ATAT1: variants seen among roughly 807,000 people sequenced by gnomAD.
The protein encoded by ATAT1 is alpha-tubulin N-acetyltransferase 1.
In ATAT1, 42 loss-of-function variants were observed where a neutral mutation model predicts 57.2. That is an observed-to-expected ratio of 0.73 (90% CI 0.57 to 0.95). The LOEUF is 0.95. Ranked by LOEUF, ATAT1 falls within the 40% of genes least tolerant of loss-of-function variation. The probability of loss-of-function intolerance (pLI) is 0.00; values close to 1 mark genes in which losing one functional copy is unlikely to be tolerated. For missense variants in ATAT1, 454 were observed against 523.7 expected, an observed-to-expected ratio of 0.87 and a Z score of 1.30; for synonymous variants, 168 against 187.1, an observed-to-expected ratio of 0.90 and a Z score of 0.83.
chr6:30,643,455 TTC>T (rs775111547), intron 10 of ATAT1: 58 of 1,545,836 alleles, frequency 3.8e-5, no homozygotes, highest in Non-Finnish European at 4.5e-5. Flanking sequence ...CACCTCTGAC[TTC>T]TCTGTTTTTC....
In ATAT1 at chr6:30,642,849, G is replaced by A. The variant is rs750360395; in HGVS notation, c.770G>A (p.Arg257His). The A allele has an allele frequency of 9.4e-5, 25 of 265,576 alleles. No homozygotes were observed. The highest frequency in any genetic ancestry group is 1.1e-4 in the East Asian group (1 of 9,416). The allele number at this position is 265,576 out of a possible 1,614,324, so 16.5% of individuals were successfully genotyped here. The change falls in exon 10 of 13, where the codon CGC (arginine) becomes CAC (histidine). Residue 257 changes from arginine to histidine, a missense_variant. Transcript: ENST00000330083. ...ACACCTCCAGCCCACCCACCCCCCC[G>A]CTCCAGCAGCCTGGGAAACTCACCA...
intron 8 of ATAT1, 87 bp from the exon 9 acceptor site, chr6:30,642,089 G>A (rs1172759639): frequency 1.2e-6 from 2 of 1,601,696 alleles, no homozygotes; most frequent in Admixed American, 1.7e-5. Context: ...GGGAGCAGAG[G>A]TTTGGGGTTG....
chr6:30,645,081 ATC>A (rs746373350), intron 10 of ATAT1, among the ~76,000 whole-genome samples: 1 of 152,124 alleles, frequency 6.6e-6, no homozygotes, highest in East Asian at 1.9e-4. Flanking sequence ...AAACCGCTGG[ATC>A]TCTCTCAAGA....
chr6:30,642,833 G>GGGGCGGCCCCCCCCCCCCCC lies in ATAT1; in HGVS notation c.754_755insGGGCGGCCCCCCCCCCCCCC (p.Ala252GlyfsTer74). The GGGGCGGCCCCCCCCCCCCCC allele has an allele frequency of 6.5e-7, 1 of 1,537,878 alleles. No homozygotes were observed. On this transcript the variant is annotated frameshift_variant, in exon 10 of 13. Coordinates refer to ENST00000330083, the MANE Select transcript of ATAT1 (RefSeq NM_001031722.4). LOFTEE classifies it high-confidence loss of function. ...GGCCCCTCGCCGCGCCACACCTCCAGCCCACCCACCCCCCCGCTCCAGCAG... is the reference window on the plus strand; with the variant it reads ...GGCCCCTCGCCGCGCCACACCTCCAGGGGCGGCCCCCCCCCCCCCCCCCACCCACCCCCCCGCTCCAGCAG...
intron 6 of ATAT1, among the ~76,000 whole-genome samples, chr6:30,638,400 C>T (rs1451163313): frequency 6.6e-6 from 1 of 151,924 alleles, no homozygotes; most frequent in Non-Finnish European, 1.5e-5. Context: ...TCAATGGATT[C>T]TCCTGCCTCA....
At chr6:30,643,111 G>A in intron 10 of ATAT1, 100 bp downstream of exon 10, 4 of 1,515,368 alleles carry the variant, frequency 2.6e-6, no homozygotes, top group Non-Finnish European at 3.5e-6. Flanking sequence ...GGATCAATAA[G>A]ATGGGTGGCT....
At chr6:30,629,840 G>A (rs988143675) in intron 6 of ATAT1, among the ~76,000 whole-genome samples, 12 of 152,100 alleles carry the variant, frequency 7.9e-5, no homozygotes, top group Admixed American at 6.5e-4. Context: ...CACCGTGCCC[G>A]ACCCCTTATG....
Position 30,646,542 on chromosome 6 carries a change from G to T in ATAT1, c.1129G>T (p.Ala377Ser), listed in dbSNP as rs768155190. Reference sequence around the variant, plus strand: ...GCCCATGCACACAGCTCCTCCACAGGCCCCGGCCCCGCCAGCCCAGTCCTG... The same window carrying T: ...GCCCATGCACACAGCTCCTCCACAGTCCCCGGCCCCGCCAGCCCAGTCCTG... Residue 377 changes from alanine (A) to serine (S), a missense_variant, in exon 13 of 13, where the codon GCC (alanine) becomes TCC (serine). By Grantham distance (99) the Ala-to-Ser change is moderately conservative. This residue lies in a region of ATAT1 where 216 missense variants were observed against 222.2 expected (regional missense o/e 0.97). Transcript: ENST00000330083. 2.7e-5 allele frequency: 43 copies of T among 1,585,548 alleles called. No homozygotes were observed. Among genetic ancestry groups the T allele is most frequent in the Non-Finnish European group, 3.3e-5 (39 of 1,166,278 alleles).
chr6:30,631,932 T>G, intron 6 of ATAT1, among the ~76,000 whole-genome samples: 1 of 150,492 alleles, frequency 6.6e-6, no homozygotes, highest in Non-Finnish European at 1.5e-5. Flanking sequence ...AGCGGAGGAG[T>G]ATGGTAGGAG....
chr6:30,629,247 T>TC lies in ATAT1; in HGVS notation c.501+817_501+818insC, dbSNP rs568547227. On this transcript the variant is annotated intron_variant, in intron 6 of 12. Coordinates refer to ENST00000330083, the MANE Select transcript of ATAT1 (RefSeq NM_001031722.4). Reference sequence around the variant, plus strand: ...TTGTTTCCTACACCTAATTTTTCTTTTTTTTTTTTTTTGTGAGATGTAGCC... The same window carrying TC: ...TTGTTTCCTACACCTAATTTTTCTTTCTTTTTTTTTTTTGTGAGATGTAGCC... Among the ~76,000 whole-genome samples, 23 of 150,538 alleles carry TC rather than the reference T, an allele frequency of 1.5e-4. 3 individuals are homozygous for TC. The highest frequency in any genetic ancestry group is 1.2e-3 in the East Asian group (6 of 5,096).
intron 6 of ATAT1, among the ~76,000 whole-genome samples, chr6:30,637,290 A>C (rs1764312876): frequency 6.6e-6 from 1 of 152,154 alleles, no homozygotes; most frequent in South Asian, 2.1e-4. Context: ...TATACAAATT[A>C]ATGACTTAAC....
intron 6 of ATAT1, among the ~76,000 whole-genome samples, chr6:30,635,823 G>A (rs1271445267): frequency 6.6e-6 from 1 of 152,174 alleles, no homozygotes; most frequent in Non-Finnish European, 1.5e-5. Context: ...TGTAGACTGA[G>A]AAGCTAGGAA....
At chr6:30,645,307 C>G (rs1047334721) in intron 10 of ATAT1, among the ~76,000 whole-genome samples, 1 of 151,926 alleles carries the variant, frequency 6.6e-6, no homozygotes, top group Non-Finnish European at 1.5e-5. Context: ...CCTCCGCCTC[C>G]TGGGTTCAAG....
At chr6:30,632,561 G>A (rs529232832) in intron 6 of ATAT1, among the ~76,000 whole-genome samples, 1 of 152,154 alleles carries the variant, frequency 6.6e-6, no homozygotes, top group East Asian at 1.9e-4. Context: ...AACAGAACGA[G>A]ACTCCATCAA....
At chr6:30,632,466 G>A (rs1026294728) in intron 6 of ATAT1, among the ~76,000 whole-genome samples, 6 of 151,806 alleles carry the variant, frequency 4.0e-5, no homozygotes, top group Non-Finnish European at 8.8e-5. Flanking sequence ...CAGCTACTTG[G>A]GAGGCTGAGA....
intron 6 of ATAT1, among the ~76,000 whole-genome samples, chr6:30,634,969 C>G (rs1358774618): frequency 1.3e-5 from 2 of 152,040 alleles, no homozygotes; most frequent in Non-Finnish European, 2.9e-5. Flanking sequence ...GCCTGGGCAA[C>G]AGAGCGAGAC....
intron 10 of ATAT1, chr6:30,643,412 T>A: frequency 9.4e-6 from 14 of 1,495,932 alleles, no homozygotes; most frequent in Non-Finnish European, 1.3e-5. Context: ...AGGCAGGGAG[T>A]GGGCATTTCC....
chr6:30,642,833 G>GTGCCCC lies in ATAT1; in HGVS notation c.754_755insTGCCCC (p.Ala252delinsValProPro). 3 of 1,537,876 alleles carry GTGCCCC rather than the reference G, an allele frequency of 2.0e-6. No homozygotes were observed. Among genetic ancestry groups the GTGCCCC allele is most frequent in the South Asian group, 2.3e-5 (2 of 86,358 alleles). On this transcript the variant is annotated protein_altering_variant, in exon 10 of 13. Transcript: ENST00000330083. Reference sequence around the variant, plus strand: ...GGCCCCTCGCCGCGCCACACCTCCAGCCCACCCACCCCCCCGCTCCAGCAG... The same window carrying GTGCCCC: ...GGCCCCTCGCCGCGCCACACCTCCAGTGCCCCCCCACCCACCCCCCCGCTCCAGCAG...
Position 30,627,124 on chromosome 6 carries a change from C to T in ATAT1, c.-80C>T. ...TCCAGGCCTGCCTTTTTGGTGACCT[C>T]TGACCCTGGGCCTAGTGGGATTGAT... is the stretch of plus-strand genomic sequence containing the variant. On this transcript the variant is annotated 5_prime_UTR_variant, in exon 1 of 13. Coordinates refer to ENST00000330083, the MANE Select transcript of ATAT1 (RefSeq NM_001031722.4). The T allele has an allele frequency of 6.3e-7, 1 of 1,595,578 alleles. No homozygotes were observed. The highest frequency in any genetic ancestry group is 2.3e-5 in the East Asian group (1 of 44,388).
Sources: allele counts gnomAD v4.1 joint callset (sites outside exome capture counted in the v4.1 genomes callset), GRCh38; gene constraint gnomAD v4.1.1; regional missense constraint gnomAD v4.1.1; transcripts MANE v1.5; gene names NCBI Gene and HGNC (gene_info 2026-07-23, HGNC 2026-07-21).